The following SULF2 variants were observed in gnomAD, a reference collection of about 807,000 sequenced individuals.
SULF2 encodes sulfatase 2, also known as extracellular sulfatase Sulf-2.
A neutral mutation model predicts 107.7 loss-of-function variants in SULF2; 52 were observed. The ratio of observed to expected loss-of-function variants is 0.48; its 90% CI spans 0.39 to 0.61. The LOEUF (loss-of-function observed/expected upper bound fraction) is 0.61, where lower values mean the gene tolerates loss of function less well. SULF2 is among the 20% of genes least tolerant of loss of function. The pLI is 0.00. For synonymous variants in SULF2, 460 were observed against 464.3 expected (o/e 0.99, Z 0.12); for missense variants, 993 against 1,177.3 (o/e 0.84, Z 2.29).
chr20:47,691,577 A>G (rs4810654), intron 4 of SULF2, among the ~76,000 whole-genome samples: 132,539 of 152,248 alleles, frequency 0.87, 58,134 homozygotes, highest in African/African-American at 0.97. Context: ...CTGATCCAGG[A>G]AAGAGTTCCA....
chr20:47,757,113 G>C (rs910858097), intron 2 of SULF2, 76 bp downstream of exon 2: 9 of 1,333,754 alleles, frequency 6.7e-6, no homozygotes, highest in Admixed American at 5.5e-5. Flanking sequence ...CCACCGCCTT[G>C]CCTCAGGAGC....
intron 3 of SULF2, among the ~76,000 whole-genome samples, chr20:47,723,736 C>CG (rs2089361249): frequency 6.6e-6 from 1 of 152,288 alleles, no homozygotes; most frequent in African/African-American, 2.4e-5. Flanking sequence ...CCATTGCCCC[C>CG]GGGTGAGACC....
At chr20:47,756,536 C>G (rs2090287710) in intron 2 of SULF2, among the ~76,000 whole-genome samples, 1 of 152,128 alleles carries the variant, frequency 6.6e-6, no homozygotes, top group East Asian at 1.9e-4. Flanking sequence ...CGCTGTTATC[C>G]TTTAAGAGTG....
chr20:47,688,962 T>A (rs2088106019), intron 5 of SULF2, among the ~76,000 whole-genome samples: 1 of 152,124 alleles, frequency 6.6e-6, no homozygotes, highest in Non-Finnish European at 1.5e-5. Flanking sequence ...GGCTGCTGAG[T>A]CACTGCTAAG....
intron 1 of SULF2, among the ~76,000 whole-genome samples, chr20:47,763,651 CCTCCCCAGG>C (rs2090463642): frequency 6.6e-6 from 1 of 152,162 alleles, no homozygotes; most frequent in South Asian, 2.1e-4. Context: ...GACCTAGCGG[CCTCCCCAGG>C]TGGTCCAGAG....
intron 3 of SULF2, among the ~76,000 whole-genome samples, chr20:47,710,013 C>T (rs1389238978): frequency 6.6e-6 from 1 of 151,726 alleles, no homozygotes; most frequent in Non-Finnish European, 1.5e-5. Context: ...GCGATTCTCC[C>T]GCCTCAGCCT....
At chr20:47,681,481 G>A (rs1238344456) in intron 7 of SULF2, among the ~76,000 whole-genome samples, 1 of 152,124 alleles carries the variant, frequency 6.6e-6, no homozygotes, top group Non-Finnish European at 1.5e-5. Flanking sequence ...CCCTCAGTGG[G>A]TCAGATTCTT....
In SULF2 at chr20:47,702,645, T is replaced by G. The variant is rs758286188; in HGVS notation, c.441A>C (p.Glu147Asp). The G allele has an allele frequency of 1.4e-5, 22 of 1,613,854 alleles. No homozygotes were observed. The highest frequency in any genetic ancestry group is 1.7e-5 in the Non-Finnish European group (20 of 1,180,010). ...CGGGTGGCACGTAGGAGCCGTTGTA[T>G]TCATTAAGATACTTCCCGAAGAAAG... ...RTAFFGKYLN[E>D]YNGSYVPPGW... is the part of the protein sequence containing the mutation. Residue 147 changes from glutamate to aspartate, a missense_variant, in exon 4 of 21, where the codon GAA becomes GAC. Physicochemically the swap from Glu to Asp is conservative, Grantham distance 45. Coordinates refer to ENST00000688720, the MANE Select transcript of SULF2 (RefSeq NM_001387048.1).
At chr20:47,711,846 C>T (rs1481057805) in intron 3 of SULF2, among the ~76,000 whole-genome samples, 7 of 151,576 alleles carry the variant, frequency 4.6e-5, no homozygotes, top group Admixed American at 2.6e-4. Context: ...CATATACATA[C>T]ATGAATATAC....
intron 2 of SULF2, among the ~76,000 whole-genome samples, chr20:47,743,270 T>C (rs915121765): frequency 1.2e-4 from 19 of 152,154 alleles, no homozygotes; most frequent in Admixed American, 1.2e-3. Flanking sequence ...CCTGGACTAT[T>C]GCAGTAGGCT....
chr20:47,659,270 T>C lies in SULF2; in HGVS notation c.2582+129A>G, dbSNP rs1007457194. ...TTAGGGAAAGATGTGCATTAGTACT[T>C]CCCCCCCACCCTCATCATGAGAACA... On this transcript the variant is annotated intron_variant, in intron 20 of 20. Coordinates refer to ENST00000688720, the MANE Select transcript of SULF2 (RefSeq NM_001387048.1). The C allele has an allele frequency of 8.8e-5, 69 of 782,960 alleles. No individual in the cohort carries two copies. The East Asian group carries it at 1.5e-3, about 17-fold the overall frequency. 48.5% of individuals were successfully genotyped at this position (782,960 alleles called of 1,614,324 possible).
chr20:47,744,343 C>A (rs917851524), intron 2 of SULF2, among the ~76,000 whole-genome samples: 2 of 152,078 alleles, frequency 1.3e-5, no homozygotes, highest in African/African-American at 4.8e-5. Context: ...CCACCATGCC[C>A]AGCTATTTTT....
intron 10 of SULF2, among the ~76,000 whole-genome samples, chr20:47,674,262 G>A (rs531061958): frequency 1.2e-4 from 18 of 152,340 alleles, no homozygotes; most frequent in Non-Finnish European, 2.2e-4. Context: ...TGGCGGGGGC[G>A]GCGCCTGAGC....
intron 11 of SULF2, among the ~76,000 whole-genome samples, chr20:47,669,866 A>G (rs780315875): frequency 6.6e-6 from 1 of 152,202 alleles, no homozygotes; most frequent in Non-Finnish European, 1.5e-5. Flanking sequence ...CAGATCTTGT[A>G]TTATTTAAAG....
chr20:47,783,763 T>C (rs1568939875), intron 1 of SULF2, among the ~76,000 whole-genome samples: 1 of 152,178 alleles, frequency 6.6e-6, no homozygotes. Flanking sequence ...GAGGCCTTCA[T>C]GTACAAAGGT....
At chr20:47,717,469 C>A (rs547403576) in intron 3 of SULF2, among the ~76,000 whole-genome samples, 1 of 152,156 alleles carries the variant, frequency 6.6e-6, no homozygotes, top group Non-Finnish European at 1.5e-5. Flanking sequence ...TCCACGGGGA[C>A]GCAGAGAGGC....
At chr20:47,731,193 T>C (rs1209736771) in intron 3 of SULF2, among the ~76,000 whole-genome samples, 9 of 99,812 alleles carry the variant, frequency 9.0e-5, no homozygotes, top group African/African-American at 2.8e-4. Flanking sequence ...TTCTCTTTTT[T>C]TTTTTTTTTT....
chr20:47,784,898 C>T (rs1360312213), intron 1 of SULF2, among the ~76,000 whole-genome samples: 2 of 152,198 alleles, frequency 1.3e-5, no homozygotes, highest in Admixed American at 1.3e-4. Flanking sequence ...GAAGATCCGG[C>T]CCACTGCTTC....
chr20:47,696,978 T>G (rs770660740), intron 4 of SULF2, among the ~76,000 whole-genome samples: 1 of 152,096 alleles, frequency 6.6e-6, no homozygotes, highest in Admixed American at 6.6e-5. Context: ...GACTGAGGCT[T>G]CTCCAGATAG....
Sources: allele counts gnomAD v4.1 joint callset (sites outside exome capture counted in the v4.1 genomes callset), GRCh38; gene constraint gnomAD v4.1.1; transcripts MANE v1.5; gene names NCBI Gene and HGNC (gene_info 2026-07-23, HGNC 2026-07-21).